DYNC1I1: variants seen among roughly 807,000 people sequenced by gnomAD.
DYNC1I1 encodes dynein cytoplasmic 1 intermediate chain 1, also known as cytoplasmic dynein 1 intermediate chain 1.
DYNC1I1 carries 43 observed loss-of-function variants against 86.6 expected under a neutral mutation model. That is an observed-to-expected ratio of 0.50 (90% CI 0.39 to 0.64). The LOEUF is 0.64. Among genes scored for constraint, DYNC1I1 ranks in the 30% least tolerant of loss-of-function variants. The pLI, the probability that DYNC1I1 is intolerant of heterozygous loss-of-function variation, is 0.00. For missense variants in DYNC1I1, 604 were observed against 788.8 expected (o/e 0.77, Z 2.81); for synonymous variants, 262 against 283.7 (o/e 0.92, Z 0.77).
At chr7:95,776,496 G>A (rs914339501) in intron 1 of DYNC1I1, among the ~76,000 whole-genome samples, 2 of 152,172 alleles carry the variant, frequency 1.3e-5, no homozygotes, top group African/African-American at 2.4e-5. Context: ...TCATGCATTT[G>A]TGCATAAATG....
chr7:95,845,352 C>G (rs1379038449), intron 5 of DYNC1I1, among the ~76,000 whole-genome samples: 1 of 152,202 alleles, frequency 6.6e-6, no homozygotes, highest in African/African-American at 2.4e-5. Context: ...TACAGAAAAT[C>G]TAACTAGGAA....
At chr7:95,955,559 C>T (rs535056632) in intron 6 of DYNC1I1, among the ~76,000 whole-genome samples, 7 of 152,158 alleles carry the variant, frequency 4.6e-5, no homozygotes, top group African/African-American at 9.6e-5. Flanking sequence ...CTCCTGGCCT[C>T]GAGCAATCCT....
chr7:96,055,512 C>T (rs999089691), intron 14 of DYNC1I1, among the ~76,000 whole-genome samples: 1 of 151,846 alleles, frequency 6.6e-6, no homozygotes, highest in Non-Finnish European at 1.5e-5. Flanking sequence ...AATAATCTTC[C>T]AATATGTTTT....
intron 2 of DYNC1I1, among the ~76,000 whole-genome samples, chr7:95,809,492 T>C (rs897008896): frequency 6.6e-6 from 1 of 152,188 alleles, no homozygotes; most frequent in African/African-American, 2.4e-5. Flanking sequence ...CAACGTGATG[T>C]TATCATGTTT....
downstream of DYNC1I1, among the ~76,000 whole-genome samples, chr7:96,102,809 C>T (rs972942244): frequency 6.6e-6 from 1 of 152,154 alleles, no homozygotes; most frequent in Non-Finnish European, 1.5e-5. Context: ...TGGGATTCTA[C>T]AGGAAGGCCG....
chr7:96,033,883 G>A (rs758515941), intron 12 of DYNC1I1, among the ~76,000 whole-genome samples: 4 of 152,062 alleles, frequency 2.6e-5, no homozygotes, highest in Non-Finnish European at 5.9e-5. Context: ...GCTAGCACAT[G>A]TCTGTAGTCC....
chr7:95,953,416 AAG>A (rs143999518), intron 6 of DYNC1I1, among the ~76,000 whole-genome samples: 2,237 of 151,722 alleles, frequency 0.015, 60 homozygotes, highest in African/African-American at 0.051. Flanking sequence ...GAAAGAAAGA[AAG>A]AGAGAGAGAG....
chr7:96,028,986 C>G (rs1794747408), intron 11 of DYNC1I1, among the ~76,000 whole-genome samples: 1 of 152,188 alleles, frequency 6.6e-6, no homozygotes, highest in African/African-American at 2.4e-5. Flanking sequence ...CTCCATCAAT[C>G]CTTGCTACCT....
intron 14 of DYNC1I1, among the ~76,000 whole-genome samples, chr7:96,050,041 A>AAAAAAAAAAAC (rs1562985738): frequency 6.6e-6 from 1 of 151,842 alleles, no homozygotes; most frequent in African/African-American, 2.4e-5. Context: ...AAACAAACAA[A>AAAAAAAAAAAC]AAAAAAAACA....
rs1791066231 is a variant in DYNC1I1 at position 96,097,967 on chromosome 7, G to A, written c.*374G>A. ...TCCATATGAAGCCAGATATGATTGG[G>A]TGCAGATGTGGTGTTCCTCATATTA... On this transcript the variant is annotated 3_prime_UTR_variant, in exon 17 of 17. Transcript: ENST00000447467. 9.9e-7 allele frequency: 1 copy of A among 1,009,122 alleles called. No individual in the cohort carries two copies. The highest frequency in any genetic ancestry group is 5.4e-5 in the Admixed American group (1 of 18,480). 62.5% of individuals were successfully genotyped at this position (1,009,122 alleles called of 1,614,324 possible).
At chr7:95,982,747 T>A (rs1793487797) in intron 7 of DYNC1I1, among the ~76,000 whole-genome samples, 1 of 152,170 alleles carries the variant, frequency 6.6e-6, no homozygotes, top group Non-Finnish European at 1.5e-5. Context: ...TCTTGGCCTA[T>A]AGTATTCTTG....
chr7:95,884,548 G>A (rs900842040), intron 6 of DYNC1I1, among the ~76,000 whole-genome samples: 30 of 152,196 alleles, frequency 2.0e-4, no homozygotes, highest in African/African-American at 6.7e-4. Context: ...ATAAAGGAAG[G>A]TCATGAGAAA....
chr7:96,087,106 G>T (rs1482284854), intron 16 of DYNC1I1, among the ~76,000 whole-genome samples: 1 of 152,010 alleles, frequency 6.6e-6, no homozygotes. Context: ...TCACACTTAG[G>T]CAATAATAGT....
chr7:96,034,060 C>G (rs536499752), intron 12 of DYNC1I1, among the ~76,000 whole-genome samples: 2 of 152,020 alleles, frequency 1.3e-5, no homozygotes, highest in East Asian at 1.9e-4. Flanking sequence ...TGCACACACA[C>G]AAAAGGAAAT....
chr7:96,020,135 T>C (rs1027693119), intron 10 of DYNC1I1, among the ~76,000 whole-genome samples: 1 of 147,440 alleles, frequency 6.8e-6, no homozygotes, highest in Non-Finnish European at 1.5e-5. Context: ...CAAGTGTTGG[T>C]GGGGGACATG....
intron 14 of DYNC1I1, among the ~76,000 whole-genome samples, chr7:96,075,809 G>T (rs908331306): frequency 5.3e-5 from 8 of 152,086 alleles, no homozygotes; most frequent in African/African-American, 1.9e-4. Context: ...CAACTCTGTT[G>T]TCTGAAACCG....
chr7:96,072,638 T>C (rs1451391918), intron 14 of DYNC1I1, among the ~76,000 whole-genome samples: 1 of 152,158 alleles, frequency 6.6e-6, no homozygotes, highest in African/African-American at 2.4e-5. Flanking sequence ...ATCTCCAGCC[T>C]TTTCAAAACT....
intron 1 of DYNC1I1, among the ~76,000 whole-genome samples, chr7:95,782,256 G>A (rs1253552485): frequency 2.0e-5 from 3 of 152,180 alleles, no homozygotes; most frequent in African/African-American, 7.2e-5. Context: ...GAAGGGAACT[G>A]GAATTTTCGT....
chr7:96,043,021 G>A (rs894621516), intron 14 of DYNC1I1, among the ~76,000 whole-genome samples: 6 of 151,842 alleles, frequency 4.0e-5, no homozygotes, highest in African/African-American at 4.8e-5. Flanking sequence ...TTAGCTGGGC[G>A]TGGTGGGGTC....
Sources: gnomAD v4.1 joint callset for allele counts (sites outside exome capture counted in the v4.1 genomes callset) on GRCh38, gnomAD v4.1.1 for gene constraint, MANE v1.5 for transcripts, NCBI Gene and HGNC (gene_info 2026-07-23, HGNC 2026-07-21) for gene names.